The following ABCB1 variants were observed in gnomAD, a reference collection of about 807,000 sequenced individuals.
ABCB1 encodes ATP binding cassette subfamily B member 1, also known as ATP-dependent translocase ABCB1.
In ABCB1, 69 loss-of-function variants were observed where a neutral mutation model predicts 142.0. The observed-to-expected ratio is 0.49, with a 90% CI of 0.40 to 0.59. The LOEUF (loss-of-function observed/expected upper bound fraction) is 0.59, where lower values mean the gene tolerates loss of function less well. Ranked by LOEUF, ABCB1 falls within the 20% of genes least tolerant of loss-of-function variation. ABCB1 has a pLI of 0.00. For missense variants in ABCB1, 1,326 were observed against 1,554.7 expected, an observed-to-expected ratio of 0.85 and a Z score of 2.47; for synonymous variants, 532 against 539.2, an observed-to-expected ratio of 0.99 and a Z score of 0.18.
rs2235071 is a variant in ABCB1 at position 87,595,996 on chromosome 7, A to G, written c.69-182T>C. Among the ~76,000 whole-genome samples the G allele has an allele frequency of 1.4e-4, 21 of 152,194 alleles. No individual in the cohort carries two copies. In the East Asian group the frequency reaches 3.1e-3, roughly 22 times the overall value. On this transcript the variant is annotated intron_variant, in intron 2 of 27. Coordinates refer to ENST00000622132, the MANE Select transcript of ABCB1 (RefSeq NM_001348946.2). ...TTATAATGTTTAAATATGTTTACATATATCTTAGAAATCTACATACGTGGT... is the reference window on the plus strand; with the variant it reads ...TTATAATGTTTAAATATGTTTACATGTATCTTAGAAATCTACATACGTGGT...
At chr7:87,628,040 C>A (rs1477946503) in intron 1 of ABCB1, among the ~76,000 whole-genome samples, 1 of 152,190 alleles carries the variant, frequency 6.6e-6, no homozygotes, top group East Asian at 1.9e-4. Context: ...GTGTGGGAGC[C>A]GGCGCGCTGC....
At chr7:87,526,066 A>G (rs915943681) in intron 21 of ABCB1, among the ~76,000 whole-genome samples, 17 of 151,960 alleles carry the variant, frequency 1.1e-4, no homozygotes, top group African/African-American at 3.6e-4. Flanking sequence ...GGAAACACTC[A>G]TCTTTATCAA....
At chr7:87,570,408 A>G (rs2129837572) in intron 4 of ABCB1, among the ~76,000 whole-genome samples, 185 bp from the exon 5 acceptor site, 1 of 152,372 alleles carries the variant, frequency 6.6e-6, no homozygotes, top group East Asian at 1.9e-4. Flanking sequence ...GACTGTGTGC[A>G]ACCACATATA....
At chr7:87,588,817 A>AT (rs1467120872) in intron 3 of ABCB1, among the ~76,000 whole-genome samples, 5 of 152,164 alleles carry the variant, frequency 3.3e-5, no homozygotes, top group African/African-American at 7.2e-5. Flanking sequence ...AGCATCTGTT[A>AT]TTTTTTTACT....
At chr7:87,653,518 A>G (rs909594777) in intron 1 of ABCB1, among the ~76,000 whole-genome samples, 1 of 152,080 alleles carries the variant, frequency 6.6e-6, no homozygotes, top group Non-Finnish European at 1.5e-5. Flanking sequence ...GGGGACATAT[A>G]GTCTTTGCCT....
chr7:87,553,639 AG>A, intron 9 of ABCB1, 121 bp downstream of exon 9: 1 of 1,066,664 alleles, frequency 9.4e-7, no homozygotes, highest in Non-Finnish European at 1.4e-6. Flanking sequence ...TTAACCTAGT[AG>A]TGCATATGTC....
chr7:87,621,101 G>A (rs1820207269), intron 1 of ABCB1, among the ~76,000 whole-genome samples: 1 of 152,048 alleles, frequency 6.6e-6, no homozygotes, highest in South Asian at 2.1e-4. Flanking sequence ...TAAATATCAT[G>A]CAATTCTAAT....
In ABCB1 at chr7:87,561,324, C is replaced by G; in HGVS notation, c.766G>C (p.Glu256Gln). 6.2e-7 allele frequency: 1 copy of G among 1,614,006 alleles called. No homozygotes were observed. Among genetic ancestry groups the G allele is most frequent in the Non-Finnish European group, 8.5e-7 (1 of 1,179,938 alleles). ...ACAGTTCTAATTGCTGCCAAGACCT[C>G]TTCAGCTACTGCTCCAGCTTTTGCA... is the stretch of plus-strand genomic sequence containing the variant. ...AYAKAGAVAE[E>Q]VLAAIRTVIA... is the part of the protein sequence containing the mutation. The change falls in exon 8 of 28, where the codon GAG becomes CAG. Residue 256 changes from glutamate (E) to glutamine (Q), a missense_variant. Physicochemically the swap from Glu to Gln is conservative, Grantham distance 29. Transcript: ENST00000622132.
chr7:87,694,295 A>G (rs1374663936), intron 1 of ABCB1, among the ~76,000 whole-genome samples: 1 of 152,084 alleles, frequency 6.6e-6, no homozygotes, highest in Non-Finnish European at 1.5e-5. Flanking sequence ...GGCACCATAA[A>G]CAATAACTGC....
chr7:87,541,773 G>A (rs1199914518), intron 17 of ABCB1, among the ~76,000 whole-genome samples: 1 of 152,160 alleles, frequency 6.6e-6, no homozygotes, highest in Non-Finnish European at 1.5e-5. Context: ...TCCCTTGGTG[G>A]GGAACTACAT....
intron 1 of ABCB1, among the ~76,000 whole-genome samples, chr7:87,642,519 C>T (rs997395811): frequency 6.6e-6 from 1 of 152,014 alleles, no homozygotes; most frequent in African/African-American, 2.4e-5. Flanking sequence ...GGAGTTCTTT[C>T]ATATGAGATT....
At chr7:87,629,362 G>T (rs148946967) in intron 1 of ABCB1, 12 of 159,878 alleles carry the variant, frequency 7.5e-5, no homozygotes, top group Non-Finnish European at 1.2e-4. Flanking sequence ...GCATTTCGTT[G>T]TTTTGGCTTG....
At chr7:87,705,208 T>C (rs1000183002) in intron 1 of ABCB1, among the ~76,000 whole-genome samples, 1 of 152,174 alleles carries the variant, frequency 6.6e-6, no homozygotes, top group South Asian at 2.1e-4. Flanking sequence ...GTGGATCACC[T>C]GAGGTCAGCA....
At chr7:87,690,817 T>C (rs1376539084) in intron 1 of ABCB1, among the ~76,000 whole-genome samples, 1 of 152,180 alleles carries the variant, frequency 6.6e-6, no homozygotes, top group African/African-American at 2.4e-5. Context: ...TTTTATTTGT[T>C]TTACAAATGG....
chr7:87,662,414 G>T (rs1458133981), intron 1 of ABCB1, among the ~76,000 whole-genome samples: 3 of 151,974 alleles, frequency 2.0e-5, no homozygotes, highest in African/African-American at 7.2e-5. Flanking sequence ...AATCCATTTT[G>T]ATTTGATTTT....
intron 1 of ABCB1, among the ~76,000 whole-genome samples, chr7:87,677,362 G>A (rs569407006): frequency 2.0e-5 from 3 of 148,484 alleles, no homozygotes; most frequent in South Asian, 2.1e-4. Context: ...GAAATCCTGC[G>A]ATTTGCAGTA....
chr7:87,607,578 G>T (rs1338386678), intron 1 of ABCB1, among the ~76,000 whole-genome samples: 1 of 151,726 alleles, frequency 6.6e-6, no homozygotes, highest in African/African-American at 2.4e-5. Context: ...GTGAGACAGG[G>T]TCTTGCTCTG....
At chr7:87,703,885 CTTTTTTTT>C in intron 1 of ABCB1, among the ~76,000 whole-genome samples, 29 of 60,288 alleles carry the variant, frequency 4.8e-4, no homozygotes, top group Non-Finnish European at 7.3e-4. Context: ...TCAGTTTTTT[CTTTTTTTT>C]TTTTTTTTTT....
intron 1 of ABCB1, among the ~76,000 whole-genome samples, chr7:87,705,428 AAAAC>A (rs1007844422): frequency 2.6e-4 from 40 of 152,210 alleles, no homozygotes; most frequent in African/African-American, 9.6e-4. Flanking sequence ...TCCATCTAAG[AAAAC>A]AAACAAAACA....
Sources: allele counts gnomAD v4.1 joint callset (sites outside exome capture counted in the v4.1 genomes callset), GRCh38; gene constraint gnomAD v4.1.1; transcripts MANE v1.5; gene names NCBI Gene and HGNC (gene_info 2026-07-23, HGNC 2026-07-21).